Variants in BRD8 observed in about 807,000 individuals in gnomAD.
BRD8 encodes the protein bromodomain-containing protein 8.
In BRD8, 67 loss-of-function variants were observed where a neutral mutation model predicts 143.1. The observed-to-expected ratio is 0.47, with a 90% CI of 0.38 to 0.57. The LOEUF (loss-of-function observed/expected upper bound fraction) is 0.57, where lower values mean the gene tolerates loss of function less well. Among genes scored for constraint, BRD8 ranks in the 20% least tolerant of loss-of-function variants. BRD8 has a pLI of 0.00. For missense variants in BRD8, 1,103 were observed against 1,503.0 expected (o/e 0.73, Z 4.40); for synonymous variants, 505 against 517.1 (o/e 0.98, Z 0.32).
rs766835092 is a variant in BRD8, at chr5:138,145,161, C to T, written c.3437+16G>A. 6.2e-7 allele frequency: 1 copy of T among 1,604,652 alleles called. No homozygotes were observed. Among genetic ancestry groups the T allele is most frequent in the Non-Finnish European group, 8.5e-7 (1 of 1,177,268 alleles). ...TATAAAAGCAACCAACCTTTCTTGA[C>T]CCCTTTTTCACTGACCTTTTCACCA... On this transcript the variant is annotated intron_variant, in intron 25 of 26. Transcript: ENST00000254900.
At chr5:138,156,753 C>T in intron 20 of BRD8, 1 of 841,162 alleles carries the variant, frequency 1.2e-6, no homozygotes, top group Non-Finnish European at 1.4e-6. Flanking sequence ...GCAAGCAGTT[C>T]ATAAGACTTT....
intron 2 of BRD8, chr5:138,177,086 CAAA>C (rs36005969): frequency 3.2e-4 from 39 of 121,668 alleles, no homozygotes; most frequent in Non-Finnish European, 3.5e-4. Flanking sequence ...AATCTTGTCT[CAAA>C]AAAAAAAAAA....
Position 138,161,029 on chromosome 5 carries a change from A to G in BRD8, c.2289T>C (p.Asn763=). The change falls in exon 18 of 27, where the codon AAT becomes AAC. Residue 763 remains asparagine, a synonymous_variant. Coordinates refer to ENST00000254900, the MANE Select transcript of BRD8 (RefSeq NM_139199.2). ...DLSTIKKNIE[N]GLIRSTAEFQ... ...ATTCAGCTGTGCTTCGGATCAGTCC[A>G]TTTTCTATGTTTTTCTTAATAGTTG... The G allele has an allele frequency of 6.2e-7, 1 of 1,613,332 alleles. No individual in the cohort carries two copies.
chr5:138,162,478 G>A (rs530800718), intron 15 of BRD8, among the ~76,000 whole-genome samples: 282 of 152,080 alleles, frequency 1.9e-3, no homozygotes, highest in Non-Finnish European at 2.8e-3. Context: ...TTACAGGTGT[G>A]AGCCACTATG....
chr5:138,172,670 A>C, intron 2 of BRD8: 4 of 181,198 alleles, frequency 2.2e-5, no homozygotes, highest in South Asian at 7.1e-5. Flanking sequence ...CCCTACAAAA[A>C]AAAAAAAAAA....
chr5:138,165,744 A>AAT, intron 11 of BRD8, 84 bp downstream of exon 11: 2 of 1,330,256 alleles, frequency 1.5e-6, no homozygotes, highest in East Asian at 2.4e-5. Flanking sequence ...AAAAAAAAAA[A>AAT]GCAGCAGCAG....
intron 2 of BRD8, among the ~76,000 whole-genome samples, chr5:138,175,673 C>A: frequency 6.8e-6 from 1 of 146,510 alleles, no homozygotes; most frequent in Admixed American, 6.9e-5. Context: ...GACCTCGTCT[C>A]TACAAAAACA....
chr5:138,147,001 T>G (rs939671842), intron 23 of BRD8, among the ~76,000 whole-genome samples: 5 of 149,730 alleles, frequency 3.3e-5, no homozygotes, highest in Admixed American at 1.3e-4. Context: ...AAGTCTCAGA[T>G]TGCAGATTTC....
At chr5:138,168,106 T>C in intron 8 of BRD8, 28 bp from the exon 9 acceptor site, 4 of 1,578,908 alleles carry the variant, frequency 2.5e-6, no homozygotes, top group Non-Finnish European at 3.5e-6. Flanking sequence ...AGGTGAAGGC[T>C]ACACTCAAGC....
intron 20 of BRD8, among the ~76,000 whole-genome samples, chr5:138,153,493 T>A (rs1330142709): frequency 6.6e-6 from 1 of 152,124 alleles, no homozygotes; most frequent in Non-Finnish European, 1.5e-5. Flanking sequence ...CCCAAATCTC[T>A]CTACCTTTAC....
intron 1 of BRD8, 135 bp downstream of exon 1, chr5:138,178,461 G>A (rs1754543236): frequency 3.5e-6 from 3 of 850,242 alleles, no homozygotes; most frequent in African/African-American, 1.7e-5. Flanking sequence ...TCACGATGCT[G>A]TAGAGCGCAG....
At position 138,166,046 on chromosome 5, in the gene BRD8, A is replaced by C. The variant is rs753221470; in HGVS notation, c.1060T>G (p.Ser354Ala). 3 of 1,614,078 alleles carry C rather than the reference A, an allele frequency of 1.9e-6. No homozygotes were observed. The highest frequency in any genetic ancestry group is 2.2e-5 in the South Asian group (2 of 91,086). ...AVGDPHTVTV[S>A]MDSSEISMII... ...ATGGATATTTCACTGCTGTCCATGG[A>C]AACAGTCACAGTATGTGGATCCCCC... Residue 354 changes from serine to alanine, a missense_variant, in exon 11 of 27, where the codon TCC becomes GCC. Around this residue, in one of 7 missense-constraint regions of BRD8, gnomAD observed 334 missense variants for 372.5 expected, o/e 0.90. Coordinates refer to ENST00000254900, the MANE Select transcript of BRD8 (RefSeq NM_139199.2).
chr5:138,167,303 A>G (rs1411939835), intron 9 of BRD8, among the ~76,000 whole-genome samples: 2 of 151,866 alleles, frequency 1.3e-5, no homozygotes, highest in Non-Finnish European at 2.9e-5. Flanking sequence ...AAGGGTGGTA[A>G]TTTTTCCTCA....
At position 138,171,390 on chromosome 5, in the gene BRD8, C is replaced by T. The variant is rs994584295; in HGVS notation, c.207G>A (p.Ser69=). The T allele has an allele frequency of 1.4e-5, 22 of 1,600,534 alleles. No homozygotes were observed. Among genetic ancestry groups the T allele is most frequent in the African/African-American group, 8.3e-5 (6 of 72,192 alleles). Reference sequence around the variant, plus strand: ...GTGTCTCAGTGGTCTCTAAAAGCTCCGAGTACTGGGAAGCACAATGCTATT... The same window carrying T: ...GTGTCTCAGTGGTCTCTAAAAGCTCTGAGTACTGGGAAGCACAATGCTATT... ...FSQKHCASQY[S]ELLETTETPK... is the part of the protein sequence containing the mutation. The change falls in exon 4 of 27, where the codon TCG becomes TCA. Residue 69 remains serine, a synonymous_variant. Transcript: ENST00000254900.
At chr5:138,142,688 G>A (rs962146372) in intron 25 of BRD8, among the ~76,000 whole-genome samples, 4 of 150,942 alleles carry the variant, frequency 2.7e-5, no homozygotes, top group Non-Finnish European at 2.9e-5. Context: ...ACTTGAACCC[G>A]GGAGGCGGAG....
chr5:138,168,768 TA>T (rs1753640214), intron 8 of BRD8: 3 of 742,274 alleles, frequency 4.0e-6, no homozygotes, highest in Non-Finnish European at 6.9e-6. Context: ...TTAGTGTGTC[TA>T]ACTATTATTT....
intron 9 of BRD8, 121 bp from the exon 10 acceptor site, chr5:138,166,848 G>A: frequency 1.5e-6 from 1 of 681,638 alleles, no homozygotes; most frequent in East Asian, 2.7e-5. Context: ...AGCAACTCCT[G>A]CATTGAATAA....
intron 9 of BRD8, chr5:138,167,640 A>T (rs958262101): frequency 2.0e-5 from 6 of 298,132 alleles, no homozygotes; most frequent in Non-Finnish European, 3.9e-5. Flanking sequence ...TTATTCCACT[A>T]TTCTATAATC....
intron 2 of BRD8, among the ~76,000 whole-genome samples, chr5:138,176,251 C>T (rs368259548): frequency 1.3e-5 from 2 of 152,024 alleles, no homozygotes; most frequent in East Asian, 1.9e-4. Flanking sequence ...CAGAAGAGCA[C>T]GTATCATTCC....
Sources: gnomAD v4.1 joint callset for allele counts (sites outside exome capture counted in the v4.1 genomes callset) on GRCh38, gnomAD v4.1.1 for gene constraint, gnomAD v4.1.1 regional missense constraint, MANE v1.5 for transcripts, NCBI Gene and HGNC (gene_info 2026-07-23, HGNC 2026-07-21) for gene names.